RBM6: variants seen among roughly 807,000 people sequenced by gnomAD.
RBM6 encodes RNA binding motif protein 6, also known as RNA-binding protein 6.
A neutral mutation model predicts 140.4 loss-of-function variants in RBM6; 23 were observed. The observed-to-expected ratio is 0.16, with a 90% CI of 0.12 to 0.23. The LOEUF (loss-of-function observed/expected upper bound fraction) is 0.23, where lower values mean the gene tolerates loss of function less well. Ranked by LOEUF, RBM6 falls within the 10% of genes least tolerant of loss-of-function variation. The probability of loss-of-function intolerance (pLI) is 1.00; values close to 1 mark genes in which losing one functional copy is unlikely to be tolerated. For missense variants in RBM6, 1,139 were observed against 1,386.7 expected, an observed-to-expected ratio of 0.82 and a Z score of 2.84; for synonymous variants, 439 against 475.6, an observed-to-expected ratio of 0.92 and a Z score of 1.00.
In RBM6 at chr3:49,968,040, T is replaced by A; in HGVS notation, c.615T>A (p.Phe205Leu). 1 of 1,614,166 alleles carries A rather than the reference T, an allele frequency of 6.2e-7. No individual in the cohort carries two copies. Among genetic ancestry groups the A allele is most frequent in the Non-Finnish European group, 8.5e-7 (1 of 1,180,030 alleles). Residue 205 changes from phenylalanine to leucine, a missense_variant, in exon 3 of 21, where the codon TTT (phenylalanine) becomes TTA (leucine). Physicochemically the swap from Phe to Leu is conservative, Grantham distance 22. Transcript: ENST00000266022. The stretch of plus-strand genomic sequence containing the variant: ...GAAGGGATTTATCAGATTTGGATTT[T>A]AGGGCCAGAGAACAGTCCCGTTCTG... ...FRGRDLSDLD[F>L]RAREQSRSDF...
At chr3:49,945,708 C>T (rs952712857) in intron 1 of RBM6, among the ~76,000 whole-genome samples, 2 of 151,638 alleles carry the variant, frequency 1.3e-5, no homozygotes, top group African/African-American at 4.8e-5. Flanking sequence ...CGGTGAAACC[C>T]CGTCTCTACT....
At chr3:49,986,748 C>T (rs1237665771) in intron 5 of RBM6, among the ~76,000 whole-genome samples, 2 of 150,262 alleles carry the variant, frequency 1.3e-5, no homozygotes, top group Non-Finnish European at 3.0e-5. Flanking sequence ...TCTCTTCTTC[C>T]CTCCCTTCCC....
At chr3:49,989,014 C>T (rs1459848781) in intron 5 of RBM6, among the ~76,000 whole-genome samples, 1 of 151,978 alleles carries the variant, frequency 6.6e-6, no homozygotes, top group Non-Finnish European at 1.5e-5. Context: ...AGCAGGAATT[C>T]ATAGCTCTGG....
chr3:50,070,408 A>C (rs760903273), intron 18 of RBM6, 47 bp from the exon 19 acceptor site: 30 of 1,377,274 alleles, frequency 2.2e-5, no homozygotes, highest in Non-Finnish European at 2.9e-5. Flanking sequence ...CCACTCCCCA[A>C]TTCCCTCAGG....
At chr3:49,979,615 A>G (rs1308446056) in intron 5 of RBM6, among the ~76,000 whole-genome samples, 1 of 151,488 alleles carries the variant, frequency 6.6e-6, no homozygotes, top group African/African-American at 2.4e-5. Context: ...AATTTTTTGT[A>G]TTTTTAGTAG....
intron 6 of RBM6, among the ~76,000 whole-genome samples, chr3:50,011,375 C>T (rs60065407): frequency 0.021 from 3,198 of 152,204 alleles, 138 homozygotes; most frequent in African/African-American, 0.074. Flanking sequence ...GTTGAACGGA[C>T]TTTCTGCTTT....
chr3:50,057,915 T>G lies in RBM6; in HGVS notation c.1881T>G (p.Pro627=). 2 of 1,614,106 alleles carry G rather than the reference T, an allele frequency of 1.2e-6. No homozygotes were observed. The highest frequency in any genetic ancestry group is 1.7e-6 in the Non-Finnish European group (2 of 1,180,004). ...AGAGAGAAGCAGAAAGGTATCTGCC[T>G]CCTTCTCGAAGGGAAGGGCCAACTT... ...HQKREAERYL[P]PSRREGPTFR... Residue 627 remains proline, a synonymous_variant, in exon 9 of 21, where the codon CCT becomes CCG. Transcript: ENST00000266022.
At chr3:50,072,309 CTG>C (rs1490298133) in intron 19 of RBM6, among the ~76,000 whole-genome samples, 14 of 151,362 alleles carry the variant, frequency 9.2e-5, no homozygotes, top group Admixed American at 3.3e-4. Context: ...ACTCGGGAGA[CTG>C]GGGCAGGAGA....
intron 6 of RBM6, among the ~76,000 whole-genome samples, chr3:50,046,346 G>T (rs1025181808): frequency 6.6e-6 from 1 of 151,474 alleles, no homozygotes; most frequent in Non-Finnish European, 1.5e-5. Context: ...TTGGGAGGCC[G>T]AGGTGGGCGG....
intron 6 of RBM6, among the ~76,000 whole-genome samples, chr3:50,035,244 A>C (rs1287014160): frequency 5.9e-5 from 9 of 152,112 alleles, no homozygotes; most frequent in Non-Finnish European, 1.0e-4. Flanking sequence ...GCTTTAGAAC[A>C]GGAATGAAAG....
intron 6 of RBM6, among the ~76,000 whole-genome samples, chr3:50,010,795 C>T (rs953243664): frequency 3.8e-5 from 5 of 132,830 alleles, no homozygotes; most frequent in Admixed American, 8.9e-5. Flanking sequence ...CCCAGCTACT[C>T]GGGAGGCTGA....
intron 6 of RBM6, among the ~76,000 whole-genome samples, chr3:50,012,881 T>C (rs1165433146): frequency 6.6e-6 from 1 of 151,878 alleles, no homozygotes; most frequent in Non-Finnish European, 1.5e-5. Context: ...TAATTGGGAT[T>C]ACAGCCATGC....
intron 17 of RBM6, 108 bp downstream of exon 17, chr3:50,066,610 C>A (rs2090130496): frequency 7.2e-7 from 1 of 1,379,490 alleles, no homozygotes; most frequent in Non-Finnish European, 9.9e-7. Context: ...GGTGGATTGC[C>A]TGGGCTCAGA....
At position 49,967,717 on chromosome 3, in the gene RBM6, G is replaced by C. The variant is rs772472548; in HGVS notation, c.292G>C (p.Gly98Arg). The C allele has an allele frequency of 6.2e-7, 1 of 1,614,080 alleles. No individual in the cohort carries two copies. The highest frequency in any genetic ancestry group is 8.5e-7 in the Non-Finnish European group (1 of 1,180,024). Residue 98 changes from glycine (G) to arginine (R), a missense_variant, in exon 3 of 21, where the codon GGA becomes CGA. Around this residue, in one of 9 missense-constraint regions of RBM6, gnomAD observed 566 missense variants for 612.7 expected, o/e 0.92. Transcript: ENST00000266022. The surrounding 1 kb of genome is among the most constrained non-coding windows in gnomAD (Gnocchi z 4.0). ...GGGACCTGGACATGATTTCAGGGGG[G>C]GAGATTTTTCGTCTTCTGATTTCCA... ...GEGPGHDFRG[G>R]DFSSSDFQSR...
chr3:50,075,088 A>T, intron 19 of RBM6, 113 bp from the exon 20 acceptor site: 1 of 1,255,730 alleles, frequency 8.0e-7, no homozygotes. Flanking sequence ...CCCAGGAGGC[A>T]GAGGTTGCAG....
chr3:50,054,590 C>T (rs1174952411), intron 8 of RBM6, among the ~76,000 whole-genome samples, 195 bp downstream of exon 8: 1 of 151,736 alleles, frequency 6.6e-6, no homozygotes, highest in South Asian at 2.1e-4. Flanking sequence ...ACTGCAACCT[C>T]CAGCTCCCAG....
intron 10 of RBM6, 182 bp from the exon 11 acceptor site, chr3:50,059,467 C>A: frequency 2.0e-6 from 1 of 503,470 alleles, no homozygotes; most frequent in Non-Finnish European, 3.5e-6. Context: ...ATCAGTCCTT[C>A]ATTAAAAGTT....
chr3:49,943,681 T>C (rs2083378910), intron 1 of RBM6, among the ~76,000 whole-genome samples: 1 of 152,148 alleles, frequency 6.6e-6, no homozygotes, highest in African/African-American at 2.4e-5. Context: ...CTCAAACTCC[T>C]GGCCTCAAGC....
intron 1 of RBM6, among the ~76,000 whole-genome samples, chr3:49,946,776 C>T (rs2083504969): frequency 6.6e-6 from 1 of 151,346 alleles, no homozygotes; most frequent in South Asian, 2.1e-4. Flanking sequence ...CTCAAGTGAT[C>T]TGTCCACCTT....
Sources: gnomAD v4.1 joint callset for allele counts (sites outside exome capture counted in the v4.1 genomes callset) on GRCh38, gnomAD v4.1.1 for gene constraint, gnomAD v4.1.1 regional missense constraint, Gnocchi (gnomAD v3.1) non-coding constraint, MANE v1.5 for transcripts, NCBI Gene and HGNC (gene_info 2026-07-23, HGNC 2026-07-21) for gene names.